Variants in DGKI observed in about 807,000 individuals in gnomAD.
DGKI encodes the protein DAG kinase iota.
A neutral mutation model predicts 147.5 loss-of-function variants in DGKI; 55 were observed. That is an observed-to-expected ratio of 0.37 (90% CI 0.30 to 0.47). DGKI has a LOEUF of 0.47. Among genes scored for constraint, DGKI ranks in the 20% least tolerant of loss-of-function variants. The probability of loss-of-function intolerance (pLI) is 1.00; values close to 1 mark genes in which losing one functional copy is unlikely to be tolerated. For synonymous variants in DGKI, 469 were observed against 477.1 expected (o/e 0.98, Z 0.22); for missense variants, 1,007 against 1,323.8 (o/e 0.76, Z 3.71).
intron 6 of DGKI, among the ~76,000 whole-genome samples, chr7:137,644,519 A>G (rs1821761293): frequency 6.6e-6 from 1 of 152,120 alleles, no homozygotes. Context: ...GGCAGCCAAT[A>G]TTTCCTTGCA....
chr7:137,698,343 C>T (rs1191762527), intron 1 of DGKI, among the ~76,000 whole-genome samples: 2 of 152,118 alleles, frequency 1.3e-5, no homozygotes, highest in Non-Finnish European at 2.9e-5. Flanking sequence ...AAGAGGTTTA[C>T]TGAAGAATGC....
At chr7:137,546,185 C>G (rs1014653337) in intron 20 of DGKI, among the ~76,000 whole-genome samples, 1 of 152,114 alleles carries the variant, frequency 6.6e-6, no homozygotes, top group Non-Finnish European at 1.5e-5. Flanking sequence ...ACACGGAAGG[C>G]GCTGGTTCTA....
At chr7:137,620,808 T>G (rs922469741) in intron 7 of DGKI, among the ~76,000 whole-genome samples, 7 of 152,220 alleles carry the variant, frequency 4.6e-5, no homozygotes, top group Non-Finnish European at 1.0e-4. Flanking sequence ...TAATAACATT[T>G]ATTTTTCTGA....
chr7:137,722,191 T>C (rs1019393111), intron 1 of DGKI: 9 of 1,600,978 alleles, frequency 5.6e-6, no homozygotes, highest in Admixed American at 1.7e-5. Flanking sequence ...AAAGGCCATG[T>C]ACAAGAGGAA....
At chr7:137,391,431 A>AC in intron 32 of DGKI, 95 bp from the exon 33 acceptor site, 1 of 868,218 alleles carries the variant, frequency 1.2e-6, no homozygotes, top group Non-Finnish European at 1.8e-6. Context: ...ACAAAACAAA[A>AC]ATCACAGAAA....
At chr7:137,728,148 T>C (rs565069436) in intron 1 of DGKI, among the ~76,000 whole-genome samples, 1 of 152,290 alleles carries the variant, frequency 6.6e-6, no homozygotes, top group East Asian at 1.9e-4. Context: ...TAATTTGGTG[T>C]TTCTTTTAAA....
intron 1 of DGKI, among the ~76,000 whole-genome samples, chr7:137,791,273 TA>T (rs1360648732): frequency 6.6e-6 from 1 of 152,234 alleles, no homozygotes; most frequent in Admixed American, 6.5e-5. Flanking sequence ...AATACTTATT[TA>T]ATGGGTTTGC....
chr7:137,551,752 G>A (rs1453067006), intron 20 of DGKI, among the ~76,000 whole-genome samples: 2 of 152,148 alleles, frequency 1.3e-5, no homozygotes, highest in Non-Finnish European at 2.9e-5. Context: ...AACTCCAGGT[G>A]GGATACCATG....
intron 21 of DGKI, among the ~76,000 whole-genome samples, chr7:137,519,505 T>A (rs924978827): frequency 6.6e-6 from 1 of 152,108 alleles, no homozygotes; most frequent in African/African-American, 2.4e-5. Flanking sequence ...CTAAGAGGAT[T>A]CACTCTCTTT....
intron 1 of DGKI, among the ~76,000 whole-genome samples, chr7:137,756,734 A>T (rs1346266984): frequency 6.6e-6 from 1 of 152,150 alleles, no homozygotes; most frequent in Non-Finnish European, 1.5e-5. Flanking sequence ...ATTAGTTCCA[A>T]TTTTAAAATG....
At chr7:137,744,673 C>A (rs925760787) in intron 1 of DGKI, among the ~76,000 whole-genome samples, 1 of 152,064 alleles carries the variant, frequency 6.6e-6, no homozygotes, top group Admixed American at 6.6e-5. Flanking sequence ...AATCCAGCAG[C>A]ATATCAAAAA....
intron 1 of DGKI, among the ~76,000 whole-genome samples, chr7:137,796,570 G>A (rs1005851503): frequency 2.6e-5 from 4 of 151,488 alleles, no homozygotes; most frequent in Non-Finnish European, 4.4e-5. Context: ...AGGAAAATAT[G>A]AGAATGATGT....
At chr7:137,694,930 T>C (rs1459648788) in intron 1 of DGKI, among the ~76,000 whole-genome samples, 6 of 152,190 alleles carry the variant, frequency 3.9e-5, no homozygotes, top group African/African-American at 1.4e-4. Flanking sequence ...ATATTATATA[T>C]GAACTCAAAG....
intron 1 of DGKI, among the ~76,000 whole-genome samples, chr7:137,726,949 A>G (rs747680549): frequency 2.0e-5 from 3 of 152,196 alleles, no homozygotes; most frequent in Non-Finnish European, 4.4e-5. Flanking sequence ...GGTCTAATGT[A>G]AACTCAGATA....
chr7:137,658,859 G>A (rs1024825485), intron 3 of DGKI, among the ~76,000 whole-genome samples: 5 of 152,168 alleles, frequency 3.3e-5, no homozygotes, highest in Non-Finnish European at 7.4e-5. Flanking sequence ...TCATGTAAAT[G>A]CACTAACATC....
chr7:137,767,316 GA>G (rs140054075), intron 1 of DGKI, among the ~76,000 whole-genome samples: 2 of 151,740 alleles, frequency 1.3e-5, no homozygotes, highest in Non-Finnish European at 2.9e-5. Context: ...TGTCACAGGG[GA>G]AAAAAAACTC....
intron 1 of DGKI, among the ~76,000 whole-genome samples, chr7:137,778,638 G>C (rs1307073175): frequency 6.7e-6 from 1 of 148,212 alleles, no homozygotes; most frequent in Admixed American, 6.6e-5. Context: ...AAGTGAACAT[G>C]GTTAGGCAAA....
chr7:137,702,736 T>C (rs891578573), intron 1 of DGKI, among the ~76,000 whole-genome samples: 6 of 152,126 alleles, frequency 3.9e-5, no homozygotes, highest in Non-Finnish European at 7.3e-5. Context: ...AAAACTATGC[T>C]CAGACAACTG....
intron 1 of DGKI, among the ~76,000 whole-genome samples, chr7:137,843,756 TACACACACACACACAC>T (rs71177923): frequency 1.7e-4 from 24 of 137,896 alleles, no homozygotes; most frequent in Middle Eastern, 3.7e-3. Context: ...GAGACCCCCC[TACACACACACACACAC>T]ACACACACAC....
Sources: gnomAD v4.1 joint callset for allele counts (sites outside exome capture counted in the v4.1 genomes callset) on GRCh38, gnomAD v4.1.1 for gene constraint, MANE v1.5 for transcripts, NCBI Gene and HGNC (gene_info 2026-07-23, HGNC 2026-07-21) for gene names.